Variants in NTRK2 observed in about 807,000 individuals in gnomAD.
The protein encoded by NTRK2 is BDNF/NT-3 growth factors receptor.
A neutral mutation model predicts 94.5 loss-of-function variants in NTRK2; 13 were observed. The ratio of observed to expected loss-of-function variants is 0.14; its 90% CI spans 0.09 to 0.22. The LOEUF (loss-of-function observed/expected upper bound fraction) is 0.22, where lower values mean the gene tolerates loss of function less well. NTRK2 is among the 10% of genes least tolerant of loss of function. The pLI, the probability that NTRK2 is intolerant of heterozygous loss-of-function variation, is 1.00. For synonymous variants in NTRK2, 372 were observed against 407.4 expected (o/e 0.91, Z 1.05); for missense variants, 639 against 1,071.2 (o/e 0.60, Z 5.63).
chr9:84,981,265 G>GTT (rs11390659), intron 17 of NTRK2, among the ~76,000 whole-genome samples: 91 of 149,680 alleles, frequency 6.1e-4, no homozygotes, highest in East Asian at 2.6e-3. Context: ...TTGTTTTGTT[G>GTT]TTTTTTTTTT....
Position 84,752,184 on chromosome 9 carries a change from T to C in NTRK2, c.1396+99T>C. ...AAGAAGGAAGTGGCTAGATTTATGA[T>C]GATTAGGTTTTAAGGCTAAAAAAAT... is the stretch of plus-strand genomic sequence containing the variant. On this transcript the variant is annotated intron_variant, in intron 12 of 18. Transcript: ENST00000277120. The C allele has an allele frequency of 4.3e-6, 4 of 932,606 alleles. No homozygotes were observed. In the East Asian group the frequency reaches 7.6e-5, roughly 18 times the overall value. The allele number at this position is 932,606 out of a possible 1,614,324, so 57.8% of individuals were successfully genotyped here.
At chr9:84,907,991 A>C (rs1587895650) in intron 14 of NTRK2, among the ~76,000 whole-genome samples, 1 of 152,192 alleles carries the variant, frequency 6.6e-6, no homozygotes, top group South Asian at 2.1e-4. Context: ...GCTCAGGGAA[A>C]TACTCAGCTG....
chr9:84,979,216 G>C (rs1319933354), intron 17 of NTRK2, among the ~76,000 whole-genome samples: 1 of 152,238 alleles, frequency 6.6e-6, no homozygotes, highest in Non-Finnish European at 1.5e-5. Flanking sequence ...AAAGTCAATG[G>C]AGAACCTTCT....
At chr9:85,018,063 C>T (rs1463581412) in intron 17 of NTRK2, among the ~76,000 whole-genome samples, 2 of 151,776 alleles carry the variant, frequency 1.3e-5, no homozygotes, top group African/African-American at 4.8e-5. Context: ...ATGTTTGTAT[C>T]TTAAGAGGTT....
At chr9:84,702,483 T>A in intron 4 of NTRK2, 64 bp downstream of exon 4, 1 of 1,387,290 alleles carries the variant, frequency 7.2e-7, no homozygotes, top group Non-Finnish European at 1.0e-6. Context: ...CCCCCTCTGT[T>A]TATTTTCCTT....
chr9:84,913,321 A>T (rs542399246), intron 14 of NTRK2, among the ~76,000 whole-genome samples: 1 of 152,300 alleles, frequency 6.6e-6, no homozygotes, highest in South Asian at 2.1e-4. Flanking sequence ...GTTCAAATAA[A>T]GTGTGGAAGC....
chr9:84,914,456 C>T (rs2077335415), intron 14 of NTRK2, among the ~76,000 whole-genome samples: 1 of 152,082 alleles, frequency 6.6e-6, no homozygotes, highest in Non-Finnish European at 1.5e-5. Flanking sequence ...GCTATTTAAA[C>T]CTTCTGTTTG....
At chr9:84,981,378 A>G (rs1198354257) in intron 17 of NTRK2, among the ~76,000 whole-genome samples, 1 of 152,200 alleles carries the variant, frequency 6.6e-6, no homozygotes, top group East Asian at 1.9e-4. Flanking sequence ...CTGGGATTAC[A>G]GGTGTGAGCC....
At chr9:84,965,514 T>C (rs950385663) in intron 17 of NTRK2, among the ~76,000 whole-genome samples, 15 of 152,168 alleles carry the variant, frequency 9.9e-5, no homozygotes, top group African/African-American at 3.4e-4. Flanking sequence ...GAGGTGGGCC[T>C]TAAAGGATAA....
rs1349889412 is a variant in NTRK2, at chr9:84,888,629, A to G, written c.1633+21198A>G. ...TCCATCTCAAAAAAAAAAAAAAAAA[A>G]AAAAAAAAAAAAAAAAAAAAGTGGC... On this transcript the variant is annotated intron_variant, in intron 14 of 18. Coordinates refer to ENST00000277120, the MANE Select transcript of NTRK2 (RefSeq NM_006180.6). Among the ~76,000 whole-genome samples the G allele has an allele frequency of 2.8e-3, 395 of 143,078 alleles. 13 individuals carry two copies. The highest frequency in any genetic ancestry group is 0.023 in the Admixed American group (324 of 13,926). The allele number at this position is 143,078 out of a possible 152,430, so 93.9% of individuals were successfully genotyped here. A position where few individuals can be genotyped will look rare whatever the true frequency, so the allele number is the denominator to read the frequency against.
At chr9:84,965,528 G>C (rs1825452655) in intron 17 of NTRK2, among the ~76,000 whole-genome samples, 1 of 152,174 alleles carries the variant, frequency 6.6e-6, no homozygotes, top group Non-Finnish European at 1.5e-5. Context: ...AGGATAAATA[G>C]CAGGTAGAAA....
chr9:84,672,142 G>A (rs1484330069), intron 2 of NTRK2, among the ~76,000 whole-genome samples: 6 of 152,160 alleles, frequency 3.9e-5, no homozygotes, highest in Admixed American at 2.0e-4. Context: ...TTCTGCCAAC[G>A]TAGTTGACCA....
At chr9:84,735,367 G>A (rs2132207325) in intron 9 of NTRK2, among the ~76,000 whole-genome samples, 1 of 152,144 alleles carries the variant, frequency 6.6e-6, no homozygotes, top group South Asian at 2.1e-4. Context: ...ATTTGAAAAT[G>A]GGCCAAACTA....
intron 2 of NTRK2, 60 bp from the exon 3 acceptor site, chr9:84,702,096 GTTC>G: frequency 2.0e-6 from 3 of 1,471,142 alleles, no homozygotes; most frequent in Non-Finnish European, 2.8e-6. Context: ...GTGGATGGGA[GTTC>G]TTCATGGTGC....
intron 12 of NTRK2, among the ~76,000 whole-genome samples, chr9:84,768,785 A>G (rs960586127): frequency 1.3e-5 from 2 of 152,174 alleles, no homozygotes; most frequent in African/African-American, 4.8e-5. Flanking sequence ...GTGGGAATTC[A>G]TAGCCAAGAA....
At chr9:84,952,292 C>G (rs964444197) in intron 16 of NTRK2, among the ~76,000 whole-genome samples, 2 of 152,114 alleles carry the variant, frequency 1.3e-5, no homozygotes, top group African/African-American at 2.4e-5. Flanking sequence ...GTTGAAAAGA[C>G]CAGAAGGAAA....
chr9:84,707,125 A>G (rs951245365), intron 4 of NTRK2, among the ~76,000 whole-genome samples: 2 of 152,136 alleles, frequency 1.3e-5, no homozygotes, highest in Non-Finnish European at 2.9e-5. Flanking sequence ...AAACTCTTTT[A>G]TAGAATCAAA....
chr9:84,953,753 T>G (rs1221161212), intron 16 of NTRK2, among the ~76,000 whole-genome samples: 7 of 152,194 alleles, frequency 4.6e-5, no homozygotes, highest in African/African-American at 1.7e-4. Context: ...CAGTATAATA[T>G]TCCTCTGTAT....
At chr9:84,680,632 C>G (rs867723162) in intron 2 of NTRK2, among the ~76,000 whole-genome samples, 1 of 152,184 alleles carries the variant, frequency 6.6e-6, no homozygotes, top group East Asian at 1.9e-4. Context: ...TCATGTTCCT[C>G]CCATCTTAGA....
Sources: gnomAD v4.1 joint callset for allele counts (sites outside exome capture counted in the v4.1 genomes callset) on GRCh38, gnomAD v4.1.1 for gene constraint, MANE v1.5 for transcripts, NCBI Gene and HGNC (gene_info 2026-07-23, HGNC 2026-07-21) for gene names.